Variants in DNM2 observed in about 807,000 individuals in gnomAD.
The protein encoded by DNM2 is dynamin 2, also known as dynamin-2.
DNM2 carries 15 observed loss-of-function variants against 99.0 expected under a neutral mutation model. The ratio of observed to expected loss-of-function variants is 0.15; its 90% CI spans 0.10 to 0.23. DNM2 has a LOEUF of 0.23. Among genes scored for constraint, DNM2 ranks in the 10% least tolerant of loss-of-function variants. The pLI is 1.00. For synonymous variants in DNM2, 525 were observed against 481.2 expected (o/e 1.09, Z -1.19); for missense variants, 742 against 1,189.4 (o/e 0.62, Z 5.53).
rs2072537332 is a variant in DNM2 at position 10,811,377 on chromosome 19, C to G, written c.1558-887C>G. 3.7e-6 allele frequency: 1 copy of G among 273,282 alleles called. No individual in the cohort carries two copies. Among genetic ancestry groups the G allele is most frequent in the South Asian group, 3.4e-5 (1 of 29,668 alleles). 16.9% of individuals were successfully genotyped at this position (273,282 alleles called of 1,614,324 possible). ...CAGCATCTGGGCCCCAGAGGGATTC[C>G]TGGAGGCCCCATCTCTGGCGCTCCT... On this transcript the variant is annotated intron_variant, in intron 14 of 20. Transcript: ENST00000389253. The surrounding 1 kb of genome is among the most constrained non-coding windows in gnomAD (Gnocchi z 5.4).
rs1299080775 is a variant in DNM2, at chr19:10,829,191, C to T, written c.2214C>T (p.Asp738=). 1 of 1,613,946 alleles carries T rather than the reference C, an allele frequency of 6.2e-7. No homozygotes were observed. Among genetic ancestry groups the T allele is most frequent in the East Asian group, 2.2e-5 (1 of 44,896 alleles). The change falls in exon 19 of 21, where the codon GAC becomes GAT. Residue 738 remains aspartate (D), a synonymous_variant. Transcript: ENST00000389253. ...ALKEALNIIG[D]ISTSTVSTPV... Reference sequence around the variant, plus strand: ...AGGAGGCGCTCAACATCATCGGTGACATCAGCACCAGCACTGTGTCCACGC... The same window carrying T: ...AGGAGGCGCTCAACATCATCGGTGATATCAGCACCAGCACTGTGTCCACGC...
chr19:10,831,091 G>A lies in DNM2; in HGVS notation c.*44G>A, dbSNP rs989414116. On this transcript the variant is annotated 3_prime_UTR_variant, in exon 21 of 21. Transcript: ENST00000389253. The surrounding 1 kb of genome is among the most constrained non-coding windows in gnomAD (Gnocchi z 4.3). ...TCTCGGGGGGGCCTCACGCACCCGCGGCGCAGGAGCTTCAGTGGTCTGGGG... is the reference window on the plus strand; with the variant it reads ...TCTCGGGGGGGCCTCACGCACCCGCAGCGCAGGAGCTTCAGTGGTCTGGGG... 1.7e-5 allele frequency: 27 copies of A among 1,557,644 alleles called. No individual in the cohort carries two copies. Among genetic ancestry groups the A allele is most frequent in the Non-Finnish European group, 2.1e-5 (24 of 1,151,680 alleles).
chr19:10,747,433 C>T (rs1267954515), intron 1 of DNM2, among the ~76,000 whole-genome samples: 3 of 152,152 alleles, frequency 2.0e-5, no homozygotes, highest in Non-Finnish European at 4.4e-5. Flanking sequence ...CTGTTGTGTC[C>T]CTTGGATGAG....
intron 2 of DNM2, among the ~76,000 whole-genome samples, chr19:10,770,104 G>A (rs577070909): frequency 6.6e-5 from 10 of 152,326 alleles, no homozygotes; most frequent in South Asian, 4.1e-4. Flanking sequence ...GGGACCACAC[G>A]CAGGGCCTGG....
intron 5 of DNM2, among the ~76,000 whole-genome samples, chr19:10,781,063 G>T (rs2071353833): frequency 6.6e-6 from 1 of 150,798 alleles, no homozygotes; most frequent in Non-Finnish European, 1.5e-5. Flanking sequence ...TGGTGCACGT[G>T]CCTGTACTCC....
At chr19:10,828,933 C>A (rs1396189722) in intron 18 of DNM2, 103 bp from the exon 19 acceptor site, 7 of 1,248,868 alleles carry the variant, frequency 5.6e-6, no homozygotes, top group Middle Eastern at 2.2e-4. Flanking sequence ...TCAAAAAAGT[C>A]TGGGGGTGGC....
In DNM2 at chr19:10,765,296, A is replaced by G. The variant is rs1278890669; in HGVS notation, c.235+5485A>G. On this transcript the variant is annotated intron_variant, in intron 2 of 20. Transcript: ENST00000389253. The surrounding 1 kb of genome is among the most constrained non-coding windows in gnomAD (Gnocchi z 4.4). ...TGGACTCTCTCTGCGCCAGCACACG[A>G]GAACAGGCATGCAGATCGGCTCTGC... Among the ~76,000 whole-genome samples the G allele has an allele frequency of 1.3e-5, 2 of 152,324 alleles. No homozygotes were observed. The highest frequency in any genetic ancestry group is 1.3e-4 in the Admixed American group (2 of 15,300).
chr19:10,718,124 C>A lies in DNM2; in HGVS notation c.-119C>A. ...ACCGTGAGGCCGAGCCGGGAGCGGGCGTCTTGCCGAGGCCCGGGCGGGCGG... is the reference window on the plus strand; with the variant it reads ...ACCGTGAGGCCGAGCCGGGAGCGGGAGTCTTGCCGAGGCCCGGGCGGGCGG... On this transcript the variant is annotated 5_prime_UTR_variant, in exon 1 of 21. Transcript: ENST00000389253. 4.4e-6 allele frequency: 5 copies of A among 1,136,452 alleles called. No individual in the cohort carries two copies. The highest frequency in any genetic ancestry group is 5.6e-6 in the Non-Finnish European group (5 of 895,310). The allele number at this position is 1,136,452 out of a possible 1,614,324, so 70.4% of individuals were successfully genotyped here. A position where few individuals can be genotyped will look rare whatever the true frequency, so the allele number is the denominator to read the frequency against.
At chr19:10,752,781 G>A (rs962126553) in intron 1 of DNM2, among the ~76,000 whole-genome samples, 1 of 152,182 alleles carries the variant, frequency 6.6e-6, no homozygotes, top group Non-Finnish European at 1.5e-5. Context: ...ATAGGCAGGT[G>A]CAGTGGGGTC....
chr19:10,779,326 G>A (rs979420388), intron 5 of DNM2, among the ~76,000 whole-genome samples: 2 of 151,494 alleles, frequency 1.3e-5, no homozygotes, highest in African/African-American at 4.9e-5. Flanking sequence ...CAGCCCTATA[G>A]CCCACACATC....
chr19:10,721,041 T>A (rs2068921844), intron 1 of DNM2, among the ~76,000 whole-genome samples: 1 of 152,106 alleles, frequency 6.6e-6, no homozygotes, highest in Non-Finnish European at 1.5e-5. Context: ...TTACCTCTCC[T>A]CAGTCCCTCT....
At chr19:10,719,745 G>A (rs2145646121) in intron 1 of DNM2, among the ~76,000 whole-genome samples, 1 of 152,256 alleles carries the variant, frequency 6.6e-6, no homozygotes, top group East Asian at 1.9e-4. Context: ...AAGGGATAAT[G>A]TCCCTTCTTG....
chr19:10,753,200 A>G lies in DNM2; in HGVS notation c.162-6538A>G, dbSNP rs145787602. 7.9e-3 allele frequency among the ~76,000 whole-genome samples: 1,197 copies of G among 152,286 alleles called. 10 individuals are homozygous for G. Among genetic ancestry groups the G allele is most frequent in the South Asian group, 0.013 (62 of 4,826 alleles). On this transcript the variant is annotated intron_variant, in intron 1 of 20. Transcript: ENST00000389253. ...TTGCTTGGCATAGAGTCAGTGTTGA[A>G]TAGCTATTAGCTACTCTAATGTTTT...
intron 1 of DNM2, among the ~76,000 whole-genome samples, chr19:10,723,815 G>A (rs1599415241): frequency 6.6e-6 from 1 of 152,170 alleles, no homozygotes; most frequent in Non-Finnish European, 1.5e-5. Context: ...AGAAGCATGG[G>A]CCACTTAGTG....
chr19:10,730,916 C>T (rs1266580798), intron 1 of DNM2, among the ~76,000 whole-genome samples: 1 of 152,202 alleles, frequency 6.6e-6, no homozygotes, highest in African/African-American at 2.4e-5. Flanking sequence ...AACACGCTCC[C>T]ATGGCAGACC....
chr19:10,768,789 T>C (rs2070883059), intron 2 of DNM2: 1 of 152,252 alleles, frequency 6.6e-6, no homozygotes, highest in African/African-American at 2.4e-5. Flanking sequence ...CTAACATGCG[T>C]GAGTGTGCCC....
Position 10,811,180 on chromosome 19 carries a change from G to A in DNM2, c.1558-1084G>A, listed in dbSNP as rs139651843. 1 of 173,794 alleles carries A rather than the reference G, an allele frequency of 5.8e-6. No homozygotes were observed. Among genetic ancestry groups the A allele is most frequent in the Non-Finnish European group, 1.2e-5 (1 of 80,564 alleles). The allele number at this position is 173,794 out of a possible 1,614,324, so 10.8% of individuals were successfully genotyped here. A position where few individuals can be genotyped will look rare whatever the true frequency, so the allele number is the denominator to read the frequency against. On this transcript the variant is annotated intron_variant, in intron 14 of 20. Coordinates refer to ENST00000389253, the MANE Select transcript of DNM2 (RefSeq NM_001005361.3). This position sits in a 1 kb window ranked among gnomAD's most constrained non-coding sequence, Gnocchi z 5.4. ...CTTCTGCATGGTCCAGGGGTCCCTGGGTACTCTTTAGCCACCTCCGTCTTC... is the reference window on the plus strand; with the variant it reads ...CTTCTGCATGGTCCAGGGGTCCCTGAGTACTCTTTAGCCACCTCCGTCTTC...
At chr19:10,750,346 G>A (rs2070148563) in intron 1 of DNM2, among the ~76,000 whole-genome samples, 1 of 152,044 alleles carries the variant, frequency 6.6e-6, no homozygotes, top group Admixed American at 6.6e-5. Flanking sequence ...GGGCATGGTG[G>A]TGTGTGCCTG....
intron 1 of DNM2, among the ~76,000 whole-genome samples, chr19:10,759,034 C>T (rs546125108): frequency 4.6e-5 from 7 of 152,042 alleles, no homozygotes; most frequent in East Asian, 3.9e-4. Context: ...CTCAGCCTCC[C>T]GGGCTCATGC....
Sources: allele counts gnomAD v4.1 joint callset (sites outside exome capture counted in the v4.1 genomes callset), GRCh38; gene constraint gnomAD v4.1.1; non-coding constraint Gnocchi (gnomAD v3.1); transcripts MANE v1.5; gene names NCBI Gene and HGNC (gene_info 2026-07-23, HGNC 2026-07-21).